The following FAT1 variants were observed in gnomAD, a reference collection of about 807,000 sequenced individuals.
FAT1 encodes protocadherin Fat 1.
In FAT1, 171 loss-of-function variants were observed where a neutral mutation model predicts 329.8. The observed-to-expected ratio is 0.52, with a 90% CI of 0.46 to 0.59. The LOEUF is 0.59. Ranked by LOEUF, FAT1 falls within the 20% of genes least tolerant of loss-of-function variation. The probability of loss-of-function intolerance (pLI) is 0.00; values close to 1 mark genes in which losing one functional copy is unlikely to be tolerated. For synonymous variants in FAT1, 2,233 were observed against 2,228.6 expected (o/e 1.00, Z -0.06); for missense variants, 5,672 against 5,774.4 (o/e 0.98, Z 0.57).
intron 3 of FAT1, among the ~76,000 whole-genome samples, chr4:186,653,079 G>A (rs1741742356): frequency 6.6e-6 from 1 of 152,154 alleles, no homozygotes; most frequent in African/African-American, 2.4e-5. Context: ...ATATGAAATG[G>A]AAACTGAGTA....
intron 3 of FAT1, among the ~76,000 whole-genome samples, chr4:186,658,663 T>G (rs556319182): frequency 6.6e-6 from 1 of 152,336 alleles, no homozygotes; most frequent in East Asian, 1.9e-4. Context: ...ACTTATTTCT[T>G]GGTCTCCAAC....
rs1369596793 is a variant in FAT1 at position 186,709,723 on chromosome 4, T to C, written c.105A>G (p.Thr35=). ...GCACGGTGACGTTGTACTCGAGGTG[T>C]GTAAACTGCAGAGGAGTCTGTTCAA... ...QRLEQTPLQF[T]HLEYNVTVQE... is the part of the protein sequence containing the mutation. The change falls in exon 2 of 27, where the codon ACA becomes ACG. Residue 35 remains threonine, a synonymous_variant. Coordinates refer to ENST00000441802, the MANE Select transcript of FAT1 (RefSeq NM_005245.4). 4.3e-6 allele frequency: 7 copies of C among 1,613,932 alleles called. No individual in the cohort carries two copies. In the South Asian group the frequency reaches 4.4e-5, roughly 10 times the overall value.
intron 1 of FAT1, among the ~76,000 whole-genome samples, chr4:186,719,569 A>G (rs1433785058): frequency 2.0e-5 from 3 of 152,206 alleles, no homozygotes; most frequent in African/African-American, 7.2e-5. Context: ...TTGCAAACTA[A>G]CAAATCAAAC....
chr4:186,646,263 A>G (rs1378506693), intron 3 of FAT1, among the ~76,000 whole-genome samples: 1 of 152,188 alleles, frequency 6.6e-6, no homozygotes, highest in Non-Finnish European at 1.5e-5. Context: ...CAAGGAAAAA[A>G]GGTAAAAATC....
chr4:186,699,425 T>C (rs1344342972), intron 2 of FAT1, among the ~76,000 whole-genome samples: 1 of 152,168 alleles, frequency 6.6e-6, no homozygotes, highest in African/African-American at 2.4e-5. Flanking sequence ...GTATCAGATA[T>C]TCGAGGAGAT....
chr4:186,589,030 G>A lies in FAT1; in HGVS notation c.13329C>T (p.Pro4443=), dbSNP rs750638319. ...SDFPPPPEDF[P]AADELPPLPP... The stretch of plus-strand genomic sequence containing the variant: ...GTAACGGTGGTAGCTCATCAGCTGC[G>A]GGGAAGTCTTCTGGGGGTGGAGGAA... The change falls in exon 27 of 27, where the codon CCC becomes CCT. Residue 4443 remains proline (P), a synonymous_variant. Transcript: ENST00000441802. 1.3e-5 allele frequency: 21 copies of A among 1,613,840 alleles called. No individual in the cohort carries two copies. Among genetic ancestry groups the A allele is most frequent in the East Asian group, 8.9e-5 (4 of 44,864 alleles).
At chr4:186,692,529 G>T (rs546106735) in intron 2 of FAT1, among the ~76,000 whole-genome samples, 1 of 152,130 alleles carries the variant, frequency 6.6e-6, no homozygotes, top group Non-Finnish European at 1.5e-5. Flanking sequence ...AGCCAGGATG[G>T]TCTCGATCTC....
Position 186,619,322 on chromosome 4 carries a change from T to A in FAT1, c.7264A>T (p.Ile2422Leu), listed in dbSNP as rs779021557. 1 of 1,614,066 alleles carries A rather than the reference T, an allele frequency of 6.2e-7. No individual in the cohort carries two copies. The highest frequency in any genetic ancestry group is 1.7e-5 in the Admixed American group (1 of 60,034). ...VKAYDADSSDIDKLQYSILSG... is the reference protein window; with the variant it reads ...VKAYDADSSDLDKLQYSILSG... ...AGAATGGAATACTGCAACTTGTCTA[T>A]GTCTGAACTGTCTGCATCATAGGCT... The change falls in exon 10 of 27, where the codon ATA (isoleucine) becomes TTA (leucine). Residue 2422 changes from isoleucine (I) to leucine (L), a missense_variant. Physicochemically the swap from Ile to Leu is conservative, Grantham distance 5. Transcript: ENST00000441802.
intron 16 of FAT1, 86 bp downstream of exon 16, chr4:186,609,094 ACAC>A: frequency 6.7e-7 from 1 of 1,491,234 alleles, no homozygotes; most frequent in Non-Finnish European, 9.1e-7. Flanking sequence ...AGTCCTGCTC[ACAC>A]CACGCCCAGC....
rs753200725 is a variant in FAT1 at position 186,708,497 on chromosome 4, T to C, written c.1331A>G (p.Lys444Arg). The C allele has an allele frequency of 2.0e-5, 32 of 1,613,858 alleles. No homozygotes were observed. The African/African-American group carries it at 3.2e-4, about 16-fold the overall frequency. ...TTTCACCAAGACCTTGGTGGACGCT[T>C]TTCTGTCACTTGTTGTTACTTCAAG... ...FELEVTTSDR[K>R]ASTKVLVKVL... The change falls in exon 2 of 27, where the codon AAA becomes AGA. Residue 444 changes from lysine to arginine, a missense_variant. By Grantham distance (26) the Lys-to-Arg change is conservative. Coordinates refer to ENST00000441802, the MANE Select transcript of FAT1 (RefSeq NM_005245.4).
intron 2 of FAT1, among the ~76,000 whole-genome samples, chr4:186,686,056 A>G (rs1743444227): frequency 6.6e-6 from 1 of 152,240 alleles, no homozygotes; most frequent in African/African-American, 2.4e-5. Flanking sequence ...AAAGGCCTGA[A>G]GAGCTGTAAT....
chr4:186,596,979 CACA>C lies in FAT1; in HGVS notation c.12558_12560del (p.Val4187del), dbSNP rs750605265. On this transcript the variant is annotated inframe_deletion, in exon 25 of 27. Coordinates refer to ENST00000441802, the MANE Select transcript of FAT1 (RefSeq NM_005245.4). This position sits in a 1 kb window ranked among gnomAD's most constrained non-coding sequence, Gnocchi z 4.7. ...CCAGTAAAAATATCCCTGCAACAAA[CACA>C]ACGATTCCAATTCCTTCCGCCAACC... 9.9e-6 allele frequency: 16 copies of C among 1,613,908 alleles called. No homozygotes were observed. The highest frequency in any genetic ancestry group is 4.5e-5 in the East Asian group (2 of 44,888).
intron 11 of FAT1, among the ~76,000 whole-genome samples, chr4:186,614,976 C>G (rs1326726666): frequency 1.7e-5 from 2 of 115,300 alleles, no homozygotes; most frequent in African/African-American, 9.7e-5. Context: ...TTTAGAAATC[C>G]ATGCCATAAA....
At chr4:186,646,115 C>A (rs80004827) in intron 3 of FAT1, among the ~76,000 whole-genome samples, 2,119 of 151,998 alleles carry the variant, frequency 0.014, 85 homozygotes, top group East Asian at 0.14. Context: ...TCATCGATGA[C>A]CCCACACTGA....
intron 2 of FAT1, among the ~76,000 whole-genome samples, chr4:186,670,372 T>C (rs4862723): frequency 0.16 from 23,801 of 152,170 alleles, 2,269 homozygotes; most frequent in East Asian, 0.48. Flanking sequence ...TTTAACGATA[T>C]TTTCCCTACA....
intron 2 of FAT1, among the ~76,000 whole-genome samples, chr4:186,678,422 ATTAATTTATTATAAT>A (rs1182142964): frequency 6.7e-6 from 1 of 150,348 alleles, no homozygotes; most frequent in Non-Finnish European, 1.5e-5. Flanking sequence ...GGCCTACTGT[ATTAATTTATTATAAT>A]ATAATAATAA....
chr4:186,707,360 A>G lies in FAT1; in HGVS notation c.2468T>C (p.Leu823Ser). 1 of 1,613,994 alleles carries G rather than the reference A, an allele frequency of 6.2e-7. No homozygotes were observed. The stretch of plus-strand genomic sequence containing the variant: ...CACTTCCACAAAATAGCTCTCCTGT[A>G]AAAACTCGGGTGGATTATCATTGGC... ...VDANDNPPEF[L>S]QESYFVEVSE... is the part of the protein sequence containing the mutation. The change falls in exon 2 of 27, where the codon TTA (leucine) becomes TCA (serine). Residue 823 changes from leucine (L) to serine (S), a missense_variant. By Grantham distance (145) the Leu-to-Ser change is moderately radical. Coordinates refer to ENST00000441802, the MANE Select transcript of FAT1 (RefSeq NM_005245.4).
chr4:186,666,429 G>A (rs1389453979), intron 2 of FAT1, among the ~76,000 whole-genome samples: 4 of 152,128 alleles, frequency 2.6e-5, no homozygotes, highest in Non-Finnish European at 5.9e-5. Context: ...CAGATACAAA[G>A]ACGTCAGGGG....
In FAT1 at chr4:186,589,094, G is replaced by C. The variant is rs1409256573; in HGVS notation, c.13265C>G (p.Thr4422Arg). ...LYSADPNAIDTDYYPGGYDIE... is the reference protein window; with the variant it reads ...LYSADPNAIDRDYYPGGYDIE... ...GTCGTAGCCTCCAGGGTAATAGTCC[G>C]TATCGATGGCGTTTGGATCTGCTGA... Residue 4422 changes from threonine to arginine, a missense_variant, in exon 27 of 27, where the codon ACG becomes AGG. Coordinates refer to ENST00000441802, the MANE Select transcript of FAT1 (RefSeq NM_005245.4). 3 of 1,613,836 alleles carry C rather than the reference G, an allele frequency of 1.9e-6. No homozygotes were observed. Among genetic ancestry groups the C allele is most frequent in the Non-Finnish European group, 2.5e-6 (3 of 1,179,898 alleles).
Sources: gnomAD v4.1 joint callset for allele counts (sites outside exome capture counted in the v4.1 genomes callset) on GRCh38, gnomAD v4.1.1 for gene constraint, Gnocchi (gnomAD v3.1) non-coding constraint, MANE v1.5 for transcripts, NCBI Gene and HGNC (gene_info 2026-07-23, HGNC 2026-07-21) for gene names.